FTCDNL1: variants seen among roughly 807,000 people sequenced by gnomAD.
FTCDNL1 encodes formiminotransferase cyclodeaminase N-terminal like, also known as formiminotransferase N-terminal subdomain-containing protein.
A neutral mutation model predicts 5.9 loss-of-function variants in FTCDNL1; 11 were observed. The ratio of observed to expected loss-of-function variants is 1.87; its 90% CI spans 1.18 to 3.10. The LOEUF (loss-of-function observed/expected upper bound fraction) is 3.10. Among genes scored for constraint, FTCDNL1 ranks in the 30% most tolerant of loss-of-function variants. The pLI, the probability that FTCDNL1 is intolerant of heterozygous loss-of-function variation, is 0.00. For missense variants in FTCDNL1, 115 were observed against 65.5 expected (o/e 1.76, Z -2.61); for synonymous variants, 58 against 24.8 (o/e 2.34, Z -3.99).
chr2:199,752,830 T>TAGAG, the FTCDNL1 span, among the ~76,000 whole-genome samples: 3 of 112,080 alleles, frequency 2.7e-5, no homozygotes, highest in East Asian at 2.6e-4. Flanking sequence ...GATATATAGA[T>TAGAG]AGAGAGAGAG....
At chr2:199,772,821 C>G (rs1462581563) in intron 3 of FTCDNL1, among the ~76,000 whole-genome samples, 1 of 152,214 alleles carries the variant, frequency 6.6e-6, no homozygotes, top group African/African-American at 2.4e-5. Flanking sequence ...TAAACCACTT[C>G]CGCTTCTCCT....
chr2:199,826,741 C>A (rs971936736), intron 3 of FTCDNL1, among the ~76,000 whole-genome samples: 2 of 152,142 alleles, frequency 1.3e-5, no homozygotes, highest in Non-Finnish European at 2.9e-5. Context: ...CTGCAGTGAG[C>A]CGAGATTGCG....
the FTCDNL1 span, among the ~76,000 whole-genome samples, chr2:199,730,785 C>G: frequency 6.6e-6 from 1 of 152,256 alleles, no homozygotes; most frequent in East Asian, 1.9e-4. Context: ...GACAGAGTGG[C>G]GATTCCCCAA....
At chr2:199,798,734 CAAT>C (rs1700294204) in intron 3 of FTCDNL1, among the ~76,000 whole-genome samples, 1 of 152,180 alleles carries the variant, frequency 6.6e-6, no homozygotes, top group African/African-American at 2.4e-5. Context: ...GACAAGACAA[CAAT>C]GAGCAGGAAT....
rs1437319001 is a variant in FTCDNL1, at chr2:199,814,814, A to G, written c.398-2090T>C. ...CTAGAAATTATTTTTCAAATACCAG[A>G]TAAAGTTTTGGTGTGGAGTAAATTG... On this transcript the variant is annotated intron_variant, in intron 4 of 4. Transcript: ENST00000420128. 3.9e-5 allele frequency among the ~76,000 whole-genome samples: 6 copies of G among 152,326 alleles called. No individual in the cohort carries two copies. In the Middle Eastern group the frequency reaches 0.017, roughly 432 times the overall value.
intron 3 of FTCDNL1, among the ~76,000 whole-genome samples, chr2:199,823,685 C>A (rs1394325139): frequency 6.6e-6 from 1 of 152,152 alleles, no homozygotes; most frequent in African/African-American, 2.4e-5. Flanking sequence ...ATTCAGTAAA[C>A]CATGCTGTAA....
At chr2:199,814,526 G>C (rs1315685844) in intron 4 of FTCDNL1, among the ~76,000 whole-genome samples, 1 of 152,126 alleles carries the variant, frequency 6.6e-6, no homozygotes, top group Non-Finnish European at 1.5e-5. Context: ...TACAAACATA[G>C]GTACAAATTT....
chr2:199,751,324 A>G, the FTCDNL1 span, among the ~76,000 whole-genome samples: 1 of 152,234 alleles, frequency 6.6e-6, no homozygotes, highest in African/African-American at 2.4e-5. Flanking sequence ...CTGTCCATAT[A>G]TCTTCAGAAC....
intron 3 of FTCDNL1, among the ~76,000 whole-genome samples, chr2:199,825,448 T>A (rs1486150285): frequency 6.6e-6 from 1 of 152,160 alleles, no homozygotes; most frequent in Admixed American, 6.5e-5. Flanking sequence ...GGTAGTGATA[T>A]AGTTGGGATG....
the FTCDNL1 span, among the ~76,000 whole-genome samples, chr2:199,669,613 T>A: frequency 6.6e-6 from 1 of 152,242 alleles, no homozygotes; most frequent in Non-Finnish European, 1.5e-5. Context: ...CGAGTCCATG[T>A]GTTTCTGATT....
chr2:199,668,550 G>A, the FTCDNL1 span, among the ~76,000 whole-genome samples: 11 of 152,220 alleles, frequency 7.2e-5, no homozygotes, highest in South Asian at 2.1e-4. Context: ...AGGCAGGACT[G>A]CTGTATTCAA....
intron 3 of FTCDNL1, among the ~76,000 whole-genome samples, chr2:199,835,010 CAA>C (rs79726610): frequency 2.0e-5 from 3 of 148,714 alleles, no homozygotes; most frequent in African/African-American, 7.4e-5. Flanking sequence ...CCTGTCTCTA[CAA>C]AAAAAAAATT....
the FTCDNL1 span, among the ~76,000 whole-genome samples, chr2:199,697,149 G>C: frequency 6.6e-6 from 1 of 152,156 alleles, no homozygotes; most frequent in Non-Finnish European, 1.5e-5. Context: ...GTGGGTGCCT[G>C]TAGTCCCAGC....
intron 4 of FTCDNL1, among the ~76,000 whole-genome samples, chr2:199,816,582 T>C (rs191225183): frequency 3.3e-5 from 5 of 152,328 alleles, no homozygotes; most frequent in East Asian, 1.9e-4. Context: ...TATGTACATA[T>C]ATATTTTACA....
At chr2:199,827,371 G>C (rs988818963) in intron 3 of FTCDNL1, among the ~76,000 whole-genome samples, 1 of 152,076 alleles carries the variant, frequency 6.6e-6, no homozygotes, top group Non-Finnish European at 1.5e-5. Context: ...AACAGACTCA[G>C]AGATACAACA....
the FTCDNL1 span, among the ~76,000 whole-genome samples, chr2:199,718,727 T>G: frequency 1.3e-5 from 2 of 152,180 alleles, no homozygotes; most frequent in Admixed American, 1.3e-4. Context: ...TTTTTTGACC[T>G]TTTAACAATA....
chr2:199,694,034 G>A, the FTCDNL1 span, among the ~76,000 whole-genome samples: 28 of 152,288 alleles, frequency 1.8e-4, no homozygotes, highest in African/African-American at 6.5e-4. Flanking sequence ...GTAAGGATTG[G>A]GTATTTAATT....
the FTCDNL1 span, among the ~76,000 whole-genome samples, chr2:199,691,519 T>C: frequency 6.6e-6 from 1 of 152,202 alleles, no homozygotes; most frequent in Non-Finnish European, 1.5e-5. Flanking sequence ...TCCTCCTAAA[T>C]AATGAAAAAT....
chr2:199,831,479 T>C (rs1199084518), intron 3 of FTCDNL1, among the ~76,000 whole-genome samples: 1 of 152,202 alleles, frequency 6.6e-6, no homozygotes, highest in Non-Finnish European at 1.5e-5. Context: ...ATGATAATTA[T>C]AAAGCAGGTA....
Sources: gnomAD v4.1 joint callset for allele counts (sites outside exome capture counted in the v4.1 genomes callset) on GRCh38, gnomAD v4.1.1 for gene constraint, MANE v1.5 for transcripts, NCBI Gene and HGNC (gene_info 2026-07-23, HGNC 2026-07-21) for gene names.